Variants in HFM1 observed in about 807,000 individuals in gnomAD.
The protein encoded by HFM1 is probable ATP-dependent DNA helicase HFM1.
Under a neutral mutation model 192.1 loss-of-function variants are expected in HFM1, and 169 were observed. The observed-to-expected ratio is 0.88, with a 90% CI of 0.78 to 1.00. The LOEUF is 1.00. Among genes scored for constraint, HFM1 ranks in the 50% least tolerant of loss-of-function variants. The pLI is 0.00. For synonymous variants in HFM1, 525 were observed against 537.8 expected, an observed-to-expected ratio of 0.98 and a Z score of 0.33; for missense variants, 1,661 against 1,668.0, an observed-to-expected ratio of 1.00 and a Z score of 0.07.
In HFM1 at chr1:91,323,104, C is replaced by A. The variant is rs1652379749; in HGVS notation, c.2523G>T (p.Arg841=). 1.3e-6 allele frequency: 2 copies of A among 1,541,336 alleles called. No individual in the cohort carries two copies. The highest frequency in any genetic ancestry group is 3.5e-5 in the Admixed American group (2 of 56,534). ...TGTAATTTCTGTACCTGATAGTTATCCGATTTGGATCTTTGTTCAAAGTAT... is the reference window on the plus strand; with the variant it reads ...TGTAATTTCTGTACCTGATAGTTATACGATTTGGATCTTTGTTCAAAGTAT... ...TLNTLNKDPN[R]ITIRFPMEGR... The change falls in exon 22 of 39, where the codon CGG becomes CGT. Residue 841 remains arginine (R), a synonymous_variant. Coordinates refer to ENST00000370425, the MANE Select transcript of HFM1 (RefSeq NM_001017975.6).
intron 18 of HFM1, among the ~76,000 whole-genome samples, chr1:91,349,972 C>A (rs1393780693): frequency 2.6e-5 from 4 of 152,100 alleles, no homozygotes; most frequent in Admixed American, 2.6e-4. Flanking sequence ...GAAGGAAAGG[C>A]AAGAGATAGG....
At chr1:91,328,599 C>T (rs1211590331) in intron 20 of HFM1, 40 of 1,604,054 alleles carry the variant, frequency 2.5e-5, no homozygotes, top group Admixed American at 1.8e-4. Context: ...GCACTATTCG[C>T]GTGATGGAGA....
intron 30 of HFM1, among the ~76,000 whole-genome samples, chr1:91,305,134 G>T (rs577742789): frequency 2.0e-5 from 3 of 152,002 alleles, no homozygotes; most frequent in Admixed American, 2.0e-4. Flanking sequence ...TCTTTTCAAG[G>T]TTGGCTTAGC....
In HFM1 at chr1:91,324,706, G is replaced by A; in HGVS notation, c.2396C>T (p.Thr799Ile). ...ITFETVKKFY[T>I]ISGKETLSDL... is the part of the protein sequence containing the mutation. ...TGATAAGGTTTCTTTTCCACTGATT[G>A]TATAAAATTTCTTCACTGTCTCAAA... The change falls in exon 21 of 39, where the codon ACA (threonine) becomes ATA (isoleucine). Residue 799 changes from threonine (T) to isoleucine (I), a missense_variant. Thr to Ile is a moderately conservative substitution (Grantham distance 89). Transcript: ENST00000370425. 1 of 1,547,704 alleles carries A rather than the reference G, an allele frequency of 6.5e-7. No homozygotes were observed. Among genetic ancestry groups the A allele is most frequent in the Non-Finnish European group, 8.9e-7 (1 of 1,120,952 alleles).
At chr1:91,379,516 G>C (rs967318525) in intron 8 of HFM1, among the ~76,000 whole-genome samples, 1 of 152,026 alleles carries the variant, frequency 6.6e-6, no homozygotes, top group Non-Finnish European at 1.5e-5. Flanking sequence ...CAAATTTGTC[G>C]TAAGTTTACA....
chr1:91,335,761 A>G (rs1654480387), intron 20 of HFM1, among the ~76,000 whole-genome samples: 2 of 152,106 alleles, frequency 1.3e-5, no homozygotes, highest in South Asian at 2.1e-4. Context: ...CAGACCTCCT[A>G]CTGCAAGACG....
At position 91,396,531 on chromosome 1, in the gene HFM1, T is replaced by C. The variant is rs112236811; in HGVS notation, c.72-126A>G. 7.8e-4 allele frequency: 434 copies of C among 552,954 alleles called. 1 individual carries two copies. The highest frequency in any genetic ancestry group is 7.5e-3 in the African/African-American group (393 of 52,664). 34.3% of individuals were successfully genotyped at this position (552,954 alleles called of 1,614,324 possible). Reference sequence around the variant, plus strand: ...TATAAATTAACTTTCTGTCAGCACTTTGATTTATCCCTATACAGCAGTGTT... The same window carrying C: ...TATAAATTAACTTTCTGTCAGCACTCTGATTTATCCCTATACAGCAGTGTT... On this transcript the variant is annotated intron_variant, in intron 2 of 38. Transcript: ENST00000370425.
intron 19 of HFM1, among the ~76,000 whole-genome samples, chr1:91,345,544 T>C (rs1230350217): frequency 6.6e-6 from 1 of 152,176 alleles, no homozygotes; most frequent in Non-Finnish European, 1.5e-5. Context: ...GCATATACTA[T>C]GCTAAGGATC....
At chr1:91,361,215 T>C (rs1178974163) in intron 13 of HFM1, among the ~76,000 whole-genome samples, 4 of 149,540 alleles carry the variant, frequency 2.7e-5, no homozygotes, top group African/African-American at 4.9e-5. Flanking sequence ...CCGAAGGAGA[T>C]AGAGACATGA....
chr1:91,262,064 T>C (rs1570696605), intron 38 of HFM1, 177 bp downstream of exon 38: 6 of 383,286 alleles, frequency 1.6e-5, no homozygotes, highest in East Asian at 1.2e-4. Flanking sequence ...CTGAGGTATA[T>C]GATGTTTGAA....
chr1:91,350,812 T>C lies in HFM1; in HGVS notation c.2132A>G (p.Asp711Gly), dbSNP rs1477914924. ...NAEIVLHTIT[D>G]VNIAVEWIRS... ...TATCCATTCCACAGCAATATTCACA[T>C]CCGTGATGGTATGCAGTACTATCTC... The change falls in exon 18 of 39, where the codon GAT becomes GGT. Residue 711 changes from aspartate to glycine, a missense_variant. Transcript: ENST00000370425. 6.2e-7 allele frequency: 1 copy of C among 1,609,210 alleles called. No individual in the cohort carries two copies. Among genetic ancestry groups the C allele is most frequent in the Non-Finnish European group, 8.5e-7 (1 of 1,176,444 alleles).
At position 91,324,857 on chromosome 1, in the gene HFM1, A is replaced by G. The variant is rs942992423; in HGVS notation, c.2336-91T>C. ...AACAAACATTTCCTGAGGGGAGGAG[A>G]AGCAAGATGGTAGAACAGAAGCCTA... On this transcript the variant is annotated intron_variant, in intron 20 of 38. Coordinates refer to ENST00000370425, the MANE Select transcript of HFM1 (RefSeq NM_001017975.6). 15 of 734,612 alleles carry G rather than the reference A, an allele frequency of 2.0e-5. No homozygotes were observed. In the East Asian group the frequency reaches 3.7e-4, roughly 18 times the overall value. 45.5% of individuals were successfully genotyped at this position (734,612 alleles called of 1,614,324 possible).
upstream of HFM1, among the ~76,000 whole-genome samples, chr1:91,406,922 C>T (rs143089431): frequency 8.9e-3 from 1,350 of 152,272 alleles, 6 homozygotes; most frequent in Middle Eastern, 0.041. Context: ...TCCCAAGTTC[C>T]AGCTTAGCAA....
chr1:91,304,290 T>C (rs976629328), intron 30 of HFM1, among the ~76,000 whole-genome samples: 3 of 152,204 alleles, frequency 2.0e-5, no homozygotes, highest in Middle Eastern at 3.2e-3. Flanking sequence ...GGTTGTCTTT[T>C]CACTTTCTGA....
intron 19 of HFM1, among the ~76,000 whole-genome samples, chr1:91,345,007 A>C (rs281945): frequency 1 from 152,045 of 152,228 alleles, 75,931 homozygotes; most frequent in Non-Finnish European, 1. Flanking sequence ...CCCACCTTGG[A>C]ATCCCAAAGG....
At chr1:91,390,414 T>G (rs1662802651) in intron 4 of HFM1, among the ~76,000 whole-genome samples, 4 of 124,332 alleles carry the variant, frequency 3.2e-5, no homozygotes, top group South Asian at 2.6e-4. Context: ...CAAGCCTGGG[T>G]GACAGAGTAA....
At chr1:91,266,667 C>A (rs1301339560) in intron 35 of HFM1, among the ~76,000 whole-genome samples, 1 of 152,148 alleles carries the variant, frequency 6.6e-6, no homozygotes, top group African/African-American at 2.4e-5. Flanking sequence ...GAAAATGGCA[C>A]TTATTGAGAC....
chr1:91,318,856 T>C (rs1320068395), intron 25 of HFM1, among the ~76,000 whole-genome samples: 1 of 152,216 alleles, frequency 6.6e-6, no homozygotes, highest in Non-Finnish European at 1.5e-5. Context: ...TTAATTTTTA[T>C]TAGGTTTCTC....
chr1:91,370,889 A>G (rs1454412612), intron 13 of HFM1, among the ~76,000 whole-genome samples: 1 of 152,230 alleles, frequency 6.6e-6, no homozygotes, highest in African/African-American at 2.4e-5. Flanking sequence ...TAACTTCAGC[A>G]AAGTCTCAGG....
Sources: gnomAD v4.1 joint callset for allele counts (sites outside exome capture counted in the v4.1 genomes callset) on GRCh38, gnomAD v4.1.1 for gene constraint, MANE v1.5 for transcripts, NCBI Gene and HGNC (gene_info 2026-07-23, HGNC 2026-07-21) for gene names.